Variants in HIVEP3 observed in about 807,000 individuals in gnomAD.
HIVEP3 encodes the protein HIVEP zinc finger 3, also known as transcription factor HIVEP3.
In HIVEP3, 49 loss-of-function variants were observed where a neutral mutation model predicts 152.8. The observed-to-expected ratio is 0.32, with a 90% confidence interval of 0.26 to 0.41. The LOEUF (loss-of-function observed/expected upper bound fraction) is 0.41, where lower values mean the gene tolerates loss of function less well. HIVEP3 is among the 10% of genes least tolerant of loss of function. The pLI is 1.00. For synonymous variants in HIVEP3, 1,269 were observed against 1,289.0 expected (o/e 0.98, Z 0.33); for missense variants, 2,790 against 3,103.3 (o/e 0.90, Z 2.40).
intron 2 of HIVEP3, among the ~76,000 whole-genome samples, chr1:41,671,764 A>G (rs1464923649): frequency 6.6e-6 from 1 of 152,250 alleles, no homozygotes; most frequent in Non-Finnish European, 1.5e-5. Flanking sequence ...TAAGACTAGG[A>G]GAGCACAAAG....
chr1:41,836,386 G>A (rs1643123556), intron 1 of HIVEP3, among the ~76,000 whole-genome samples: 1 of 152,240 alleles, frequency 6.6e-6, no homozygotes, highest in Admixed American at 6.5e-5. Flanking sequence ...TGGGTTAGTG[G>A]CTGGCATGGG....
intron 1 of HIVEP3, among the ~76,000 whole-genome samples, chr1:41,770,723 GA>G (rs1437609959): frequency 6.6e-6 from 1 of 152,152 alleles, no homozygotes; most frequent in African/African-American, 2.4e-5. Context: ...TCAAGGTCAT[GA>G]AAAGACAAGA....
At chr1:41,595,224 C>T (rs1644648059) in intron 3 of HIVEP3, among the ~76,000 whole-genome samples, 1 of 152,234 alleles carries the variant, frequency 6.6e-6, no homozygotes, top group Non-Finnish European at 1.5e-5. Context: ...AGCCTTCTCC[C>T]AGTCCACCCC....
intron 2 of HIVEP3, among the ~76,000 whole-genome samples, chr1:41,676,888 A>G (rs1431469114): frequency 6.6e-6 from 1 of 152,182 alleles, no homozygotes; most frequent in Non-Finnish European, 1.5e-5. Context: ...AGCTGGGAGG[A>G]AAGTCCACTT....
At chr1:42,011,464 G>T (rs1409709692) in intron 1 of HIVEP3, among the ~76,000 whole-genome samples, 2 of 152,084 alleles carry the variant, frequency 1.3e-5, no homozygotes, top group Non-Finnish European at 2.9e-5. Flanking sequence ...TTATTTCCAG[G>T]TAAACTCAGT....
intron 5 of HIVEP3, among the ~76,000 whole-genome samples, chr1:41,560,582 G>A (rs1207941580): frequency 4.6e-5 from 7 of 152,214 alleles, no homozygotes; most frequent in African/African-American, 1.7e-4. Flanking sequence ...GGCCAGGCTG[G>A]AAAACCTCTG....
At chr1:41,869,587 C>T (rs1427522311) in intron 1 of HIVEP3, 1 of 152,194 alleles carries the variant, frequency 6.6e-6, no homozygotes, top group Non-Finnish European at 1.5e-5. Context: ...CTGTTATCTC[C>T]CTGCACAGTG....
intron 1 of HIVEP3, among the ~76,000 whole-genome samples, chr1:41,975,336 G>T (rs1322511594): frequency 1.3e-5 from 2 of 152,188 alleles, no homozygotes; most frequent in African/African-American, 4.8e-5. Context: ...CAGGGAACCT[G>T]ACCTGAGGCT....
At chr1:41,747,726 T>C (rs2124217615) in intron 1 of HIVEP3, among the ~76,000 whole-genome samples, 1 of 152,364 alleles carries the variant, frequency 6.6e-6, no homozygotes, top group South Asian at 2.1e-4. Flanking sequence ...CTTTAATAGC[T>C]GCATAGTATT....
chr1:41,804,877 T>C (rs1454036275), intron 1 of HIVEP3, among the ~76,000 whole-genome samples: 1 of 152,182 alleles, frequency 6.6e-6, no homozygotes, highest in Non-Finnish European at 1.5e-5. Context: ...CACACATTTT[T>C]AAATCCTGGT....
At chr1:41,803,279 T>C (rs924132883) in intron 1 of HIVEP3, among the ~76,000 whole-genome samples, 3 of 152,312 alleles carry the variant, frequency 2.0e-5, no homozygotes, top group South Asian at 4.1e-4. Flanking sequence ...GTTGTTATTG[T>C]TGCTTTAAAT....
At chr1:41,822,491 T>C in intron 1 of HIVEP3, among the ~76,000 whole-genome samples, 1 of 152,230 alleles carries the variant, frequency 6.6e-6, no homozygotes, top group East Asian at 1.9e-4. Flanking sequence ...TTGATGCTCA[T>C]ATTCCTTGCT....
rs1645641390 is a variant in HIVEP3 at position 42,035,874 on chromosome 1, G to T, written n.52C>A. The T allele has an allele frequency of 2.7e-5, 4 of 149,682 alleles. No individual in the cohort carries two copies. In the South Asian group the frequency reaches 7.4e-4, roughly 28 times the overall value. The allele number at this position is 149,682 out of a possible 1,614,324, so 9.3% of individuals were successfully genotyped here. A position where few individuals can be genotyped will look rare whatever the true frequency, so the allele number is the denominator to read the frequency against. ...GGGGTGGCGGGCGGCGGGCGGCAGC[G>T]CTGGCAGCCACCCGGGCCACGGCAT... On this transcript the variant is annotated non_coding_transcript_exon_variant, in exon 1 of 4. Transcript: ENST00000489103.
intron 1 of HIVEP3, among the ~76,000 whole-genome samples, chr1:41,993,211 C>A (rs1480108838): frequency 6.6e-6 from 1 of 151,314 alleles, no homozygotes; most frequent in Non-Finnish European, 1.5e-5. Flanking sequence ...AGTGAACAGG[C>A]AACCTACAAA....
chr1:41,814,471 A>G (rs1371939792), intron 1 of HIVEP3, among the ~76,000 whole-genome samples: 1 of 152,206 alleles, frequency 6.6e-6, no homozygotes, highest in Admixed American at 6.5e-5. Flanking sequence ...GGAATGGCCC[A>G]AAGTCACATG....
intron 1 of HIVEP3, among the ~76,000 whole-genome samples, chr1:41,766,462 C>CTG (rs1648014839): frequency 6.6e-6 from 1 of 152,232 alleles, no homozygotes; most frequent in Admixed American, 6.5e-5. Context: ...TGAGCACTTG[C>CTG]TGTGTGTCAG....
At chr1:41,920,537 C>T (rs1291807242), upstream of HIVEP3, among the ~76,000 whole-genome samples, 1 of 150,376 alleles carries the variant, frequency 6.6e-6, no homozygotes, top group African/African-American at 2.4e-5. Flanking sequence ...TCTGTCTTCA[C>T]ACTAAAAAAA....
At chr1:41,988,616 G>A (rs952785625) in intron 1 of HIVEP3, among the ~76,000 whole-genome samples, 1 of 152,124 alleles carries the variant, frequency 6.6e-6, no homozygotes, top group Non-Finnish European at 1.5e-5. Flanking sequence ...ACTACTGATG[G>A]GAATGTAAGA....
chr1:41,581,593 T>C lies in HIVEP3; in HGVS notation c.3205A>G (p.Ser1069Gly), dbSNP rs906055190. The C allele has an allele frequency of 1.1e-5, 17 of 1,613,754 alleles. No homozygotes were observed. Among genetic ancestry groups the C allele is most frequent in the Non-Finnish European group, 1.4e-5 (17 of 1,179,880 alleles). ...LEVAPKGRQE[S>G]EEPQPSSSKP... ...CTGGATGAGGGCTGTGGTTCTTCGC[T>C]CTCCTGTCTTCCCTTGGGGGCAACC... Residue 1069 changes from serine to glycine, a missense_variant, in exon 4 of 9, where the codon AGC becomes GGC. Ser to Gly is a moderately conservative substitution (Grantham distance 56). This residue lies in a region of HIVEP3 where 1,078 missense variants were observed against 1,165.3 expected (regional missense o/e 0.93). Transcript: ENST00000372583. This position sits in a 1 kb window ranked among gnomAD's most constrained non-coding sequence, Gnocchi z 4.5.
Sources: gnomAD v4.1 joint callset for allele counts (sites outside exome capture counted in the v4.1 genomes callset) on GRCh38, gnomAD v4.1.1 for gene constraint, gnomAD v4.1.1 regional missense constraint, Gnocchi (gnomAD v3.1) non-coding constraint, MANE v1.5 for transcripts, NCBI Gene and HGNC (gene_info 2026-07-23, HGNC 2026-07-21) for gene names.